Variants in SMIM8 observed in about 807,000 individuals in gnomAD.
SMIM8 encodes UPF0708 protein C6orf162.
A neutral mutation model predicts 8.1 loss-of-function variants in SMIM8; 8 were observed. The ratio of observed to expected loss-of-function variants is 0.99; its 90% CI spans 0.58 to 1.78. The LOEUF (loss-of-function observed/expected upper bound fraction) is 1.78. SMIM8 is among the 40% of genes most tolerant of loss of function. The pLI, the probability that SMIM8 is intolerant of heterozygous loss-of-function variation, is 0.00. For missense variants in SMIM8, 126 were observed against 119.8 expected, an observed-to-expected ratio of 1.05 and a Z score of -0.24; for synonymous variants, 45 against 39.7, an observed-to-expected ratio of 1.13 and a Z score of -0.50.
chr6:87,340,103 T>C lies in SMIM8; in HGVS notation c.136-13T>C. The stretch of plus-strand genomic sequence containing the variant: ...GTCTTACTAAAGCTTTATAATTTTT[T>C]TTTCTTTGACAGAACAAACCTGTAA... On this transcript the variant is annotated splice_polypyrimidine_tract_variant and intron_variant, in intron 3 of 3. Coordinates refer to ENST00000392863, the MANE Select transcript of SMIM8 (RefSeq NM_001042493.3). 5.2e-6 allele frequency: 8 copies of C among 1,532,916 alleles called. No individual in the cohort carries two copies. The highest frequency in any genetic ancestry group is 6.1e-6 in the Non-Finnish European group (7 of 1,146,968). The allele number at this position is 1,532,916 out of a possible 1,614,324, so 95.0% of individuals were successfully genotyped here. A position where few individuals can be genotyped will look rare whatever the true frequency, so the allele number is the denominator to read the frequency against.
intron 1 of SMIM8, among the ~76,000 whole-genome samples, chr6:87,329,586 C>T (rs57596999): frequency 0.077 from 11,669 of 152,098 alleles, 978 homozygotes; most frequent in African/African-American, 0.21. Context: ...CCACCCTGCC[C>T]GGCAGGAAAG....
intron 3 of SMIM8, among the ~76,000 whole-genome samples, chr6:87,339,813 A>G (rs779050521): frequency 1.4e-4 from 21 of 152,194 alleles, no homozygotes; most frequent in Non-Finnish European, 2.5e-4. Flanking sequence ...GGTGCTGACC[A>G]GTTTTCCTGC....
chr6:87,326,922 C>G (rs376181117), intron 1 of SMIM8, among the ~76,000 whole-genome samples: 3,887 of 99,962 alleles, frequency 0.039, 101 homozygotes, highest in East Asian at 0.047. Flanking sequence ...GTAGGTCACT[C>G]AGGACTTGCT....
chr6:87,333,321 C>T (rs1259970743), intron 2 of SMIM8, among the ~76,000 whole-genome samples: 1 of 152,164 alleles, frequency 6.6e-6, no homozygotes, highest in Non-Finnish European at 1.5e-5. Flanking sequence ...CCCCATGACC[C>T]AAACACCTCC....
At position 87,340,390 on chromosome 6, in the gene SMIM8, AG is replaced by A. The variant is rs1309465488; in HGVS notation, c.*117del. The A allele has an allele frequency of 9.3e-7, 1 of 1,073,600 alleles. No homozygotes were observed. The highest frequency in any genetic ancestry group is 4.0e-5 in the Admixed American group (1 of 25,142). The allele number at this position is 1,073,600 out of a possible 1,614,324, so 66.5% of individuals were successfully genotyped here. A position where few individuals can be genotyped will look rare whatever the true frequency, so the allele number is the denominator to read the frequency against. ...TCTAGAACATGCTAATGAAGAGAGA[AG>A]ATAGCAGTTGCAACCAGACAACTGT... On this transcript the variant is annotated 3_prime_UTR_variant, in exon 4 of 4. Transcript: ENST00000392863.
chr6:87,333,177 G>C (rs1777029138), intron 2 of SMIM8, among the ~76,000 whole-genome samples: 1 of 152,194 alleles, frequency 6.6e-6, no homozygotes, highest in South Asian at 2.1e-4. Context: ...CATGGTAAGA[G>C]AGGAAGCAAG....
At chr6:87,339,394 TAAC>T (rs199598964) in intron 3 of SMIM8, among the ~76,000 whole-genome samples, 2,169 of 132,816 alleles carry the variant, frequency 0.016, 31 homozygotes, top group Non-Finnish European at 0.023. Context: ...CTTAACCTCT[TAAC>T]AACAACAAAA....
intron 1 of SMIM8, among the ~76,000 whole-genome samples, chr6:87,324,305 T>C (rs1776761951): frequency 1.3e-5 from 2 of 152,256 alleles, no homozygotes; most frequent in South Asian, 4.1e-4. Flanking sequence ...TGGCTTTGGT[T>C]GCTATTGCTT....
At chr6:87,327,766 G>A (rs1162584352) in intron 1 of SMIM8, among the ~76,000 whole-genome samples, 1 of 145,190 alleles carries the variant, frequency 6.9e-6, no homozygotes, top group African/African-American at 2.6e-5. Flanking sequence ...TATCTTTGTG[G>A]CGTTCTCTGT....
chr6:87,334,595 C>T (rs1418507080), intron 2 of SMIM8, among the ~76,000 whole-genome samples: 2 of 152,138 alleles, frequency 1.3e-5, no homozygotes, highest in Non-Finnish European at 2.9e-5. Context: ...TGAGCCACCC[C>T]GCCCAGCCTG....
At chr6:87,324,542 C>G (rs1211966889) in intron 1 of SMIM8, among the ~76,000 whole-genome samples, 2 of 150,854 alleles carry the variant, frequency 1.3e-5, no homozygotes, top group Non-Finnish European at 2.9e-5. Flanking sequence ...TTCCCCATTG[C>G]TTGTTTTTCT....
intron 1 of SMIM8, among the ~76,000 whole-genome samples, chr6:87,325,934 C>A (rs1253086368): frequency 6.6e-6 from 1 of 152,192 alleles, no homozygotes; most frequent in Admixed American, 6.5e-5. Context: ...ATTATTGCCA[C>A]AATTTCAGCT....
chr6:87,336,872 G>T, intron 2 of SMIM8, 137 bp from the exon 3 acceptor site: 1 of 564,292 alleles, frequency 1.8e-6, no homozygotes, highest in Non-Finnish European at 2.9e-6. Flanking sequence ...ATTATACAAA[G>T]TAATAAGATA....
chr6:87,323,320 A>G (rs1464849754), intron 1 of SMIM8, among the ~76,000 whole-genome samples: 1 of 152,022 alleles, frequency 6.6e-6, no homozygotes, highest in East Asian at 1.9e-4. Context: ...CATGTGCACA[A>G]TGTGCAGGTT....
At chr6:87,323,070 G>T (rs1753152) in intron 1 of SMIM8, 89,334 of 147,780 alleles carry the variant, frequency 0.6, 26,575 homozygotes, top group African/African-American at 0.63. Flanking sequence ...AGAACTTAAC[G>T]GAATGAAGTT....
At chr6:87,339,442 G>T (rs1616623) in intron 3 of SMIM8, among the ~76,000 whole-genome samples, 14,132 of 59,252 alleles carry the variant, frequency 0.24, 875 homozygotes, top group Non-Finnish European at 0.28. Context: ...GTGTTTGTGT[G>T]TGTGTGTGTG....
chr6:87,328,506 C>A (rs1289282055), intron 1 of SMIM8, among the ~76,000 whole-genome samples: 1 of 151,722 alleles, frequency 6.6e-6, no homozygotes, highest in Non-Finnish European at 1.5e-5. Context: ...TTGGAGTACC[C>A]GGCCGTGTGA....
At chr6:87,339,323 A>AGC (rs1198280378) in intron 3 of SMIM8, among the ~76,000 whole-genome samples, 20 of 118,200 alleles carry the variant, frequency 1.7e-4, no homozygotes, top group Admixed American at 2.7e-4. Flanking sequence ...AACAAAACAC[A>AGC]GCGTGTGTGT....
At chr6:87,325,600 A>G (rs544970615) in intron 1 of SMIM8, among the ~76,000 whole-genome samples, 10,102 of 150,814 alleles carry the variant, frequency 0.067, 694 homozygotes, top group African/African-American at 0.18. Flanking sequence ...CCAGCCTTGC[A>G]TCCCAGGGAT....
Sources: allele counts gnomAD v4.1 joint callset (sites outside exome capture counted in the v4.1 genomes callset), GRCh38; gene constraint gnomAD v4.1.1; transcripts MANE v1.5; gene names NCBI Gene and HGNC (gene_info 2026-07-23, HGNC 2026-07-21).